The following GRM5 variants were observed in gnomAD, a reference collection of about 807,000 sequenced individuals.
The protein encoded by GRM5 is glutamate metabotropic receptor 5.
In GRM5, 19 loss-of-function variants were observed where a neutral mutation model predicts 83.1. That is an observed-to-expected ratio of 0.23 (90% confidence interval 0.16 to 0.34). GRM5 has a LOEUF of 0.34. Among genes scored for constraint, GRM5 ranks in the 10% least tolerant of loss-of-function variants. The pLI is 1.00. For missense variants in GRM5, 1,160 were observed against 1,588.3 expected (o/e 0.73, Z 4.58); for synonymous variants, 675 against 633.6 (o/e 1.07, Z -0.98).
At chr11:88,751,832 C>T (rs961821393) in intron 3 of GRM5, among the ~76,000 whole-genome samples, 1 of 152,104 alleles carries the variant, frequency 6.6e-6, no homozygotes, top group African/African-American at 2.4e-5. Context: ...ATCACATAAA[C>T]AGAACTAAAG....
At chr11:88,871,909 G>T (rs72643340) in intron 2 of GRM5, among the ~76,000 whole-genome samples, 18,155 of 149,022 alleles carry the variant, frequency 0.12, 1,823 homozygotes, top group East Asian at 0.27. Flanking sequence ...ATAAACAGAT[G>T]AAAAAAAAAG....
At chr11:88,980,952 A>G (rs529500884) in intron 2 of GRM5, among the ~76,000 whole-genome samples, 11 of 152,198 alleles carry the variant, frequency 7.2e-5, no homozygotes, top group Admixed American at 4.6e-4. Flanking sequence ...GTAAGGATAT[A>G]TAGAAATTAT....
At chr11:88,569,065 C>T (rs779069036) in intron 7 of GRM5, among the ~76,000 whole-genome samples, 2 of 152,174 alleles carry the variant, frequency 1.3e-5, no homozygotes, top group Non-Finnish European at 2.9e-5. Flanking sequence ...GTTGGCTACA[C>T]ACTAGAATCA....
At chr11:88,707,228 C>A (rs1218359749) in intron 3 of GRM5, among the ~76,000 whole-genome samples, 1 of 152,060 alleles carries the variant, frequency 6.6e-6, no homozygotes, top group Non-Finnish European at 1.5e-5. Flanking sequence ...TAAAATATTA[C>A]AGTAGCTATC....
At chr11:88,585,943 C>G (rs991024121) in intron 7 of GRM5, among the ~76,000 whole-genome samples, 1 of 152,010 alleles carries the variant, frequency 6.6e-6, no homozygotes, top group Non-Finnish European at 1.5e-5. Flanking sequence ...TCTTTCATGT[C>G]TTCTTGGTTT....
At chr11:88,761,882 C>G (rs932508094) in intron 3 of GRM5, among the ~76,000 whole-genome samples, 1 of 151,756 alleles carries the variant, frequency 6.6e-6, no homozygotes, top group African/African-American at 2.4e-5. Flanking sequence ...ATAGAGGACC[C>G]AGAAATAATG....
intron 2 of GRM5, among the ~76,000 whole-genome samples, chr11:88,954,796 T>C (rs1369587466): frequency 6.6e-6 from 1 of 152,194 alleles, no homozygotes; most frequent in Non-Finnish European, 1.5e-5. Flanking sequence ...CATGATAAAG[T>C]AGGCTGCTTG....
intron 2 of GRM5, among the ~76,000 whole-genome samples, chr11:88,994,445 T>TTATATATATA (rs58154444): frequency 9.2e-5 from 8 of 86,890 alleles, no homozygotes; most frequent in African/African-American, 1.6e-4. Context: ...CTTTAACTGA[T>TTATATATATA]TATATATATA....
intron 2 of GRM5, among the ~76,000 whole-genome samples, chr11:89,015,457 G>T (rs1206837015): frequency 2.0e-5 from 3 of 152,154 alleles, no homozygotes; most frequent in Admixed American, 1.3e-4. Flanking sequence ...ATGGGTGTCT[G>T]TTGGCAGTGT....
At chr11:88,683,876 T>C (rs1940555981) in intron 3 of GRM5, among the ~76,000 whole-genome samples, 1 of 152,174 alleles carries the variant, frequency 6.6e-6, no homozygotes, top group Non-Finnish European at 1.5e-5. Context: ...CACATACTCA[T>C]AGATAGATAA....
At chr11:88,602,930 G>A (rs958449172) in intron 5 of GRM5, among the ~76,000 whole-genome samples, 8 of 152,248 alleles carry the variant, frequency 5.3e-5, no homozygotes, top group Middle Eastern at 3.4e-3. Context: ...AGAAACAAAA[G>A]GTGGTAAATC....
At chr11:88,778,816 G>A (rs1274298439) in intron 3 of GRM5, among the ~76,000 whole-genome samples, 1 of 152,062 alleles carries the variant, frequency 6.6e-6, no homozygotes, top group Non-Finnish European at 1.5e-5. Context: ...ATTTAACTGG[G>A]GAGAAGAGTT....
intron 3 of GRM5, among the ~76,000 whole-genome samples, chr11:88,826,574 T>C (rs1015194153): frequency 6.6e-6 from 1 of 152,152 alleles, no homozygotes. Context: ...AGGTAACTGA[T>C]GTCCGTTTTC....
At chr11:88,985,068 G>C (rs997522139) in intron 2 of GRM5, among the ~76,000 whole-genome samples, 8 of 151,718 alleles carry the variant, frequency 5.3e-5, no homozygotes, top group Non-Finnish European at 1.2e-4. Flanking sequence ...AAATACACAA[G>C]AGCCATAAAT....
chr11:88,649,806 T>A (rs566227441), intron 4 of GRM5, among the ~76,000 whole-genome samples: 1 of 151,698 alleles, frequency 6.6e-6, no homozygotes, highest in African/African-American at 2.4e-5. Context: ...ATACAAGAAA[T>A]ACTAAAGAAA....
At chr11:88,823,886 A>G (rs777335316) in intron 3 of GRM5, among the ~76,000 whole-genome samples, 11 of 152,102 alleles carry the variant, frequency 7.2e-5, no homozygotes, top group Non-Finnish European at 1.2e-4. Context: ...TTGGCTAACT[A>G]GATAGGATTC....
intron 2 of GRM5, among the ~76,000 whole-genome samples, chr11:88,892,409 G>A (rs1235184407): frequency 2.6e-5 from 4 of 151,930 alleles, no homozygotes; most frequent in Admixed American, 2.6e-4. Context: ...GACCTTAAGT[G>A]TAAAGTATTT....
intron 2 of GRM5, among the ~76,000 whole-genome samples, chr11:88,850,767 A>T (rs1157655821): frequency 1.3e-5 from 2 of 152,048 alleles, no homozygotes; most frequent in East Asian, 3.8e-4. Context: ...AAAAACATTT[A>T]CAGTTTTATC....
At chr11:88,961,901 A>T (rs1938796100) in intron 2 of GRM5, among the ~76,000 whole-genome samples, 1 of 152,210 alleles carries the variant, frequency 6.6e-6, no homozygotes, top group Non-Finnish European at 1.5e-5. Flanking sequence ...ACTGGCTGAG[A>T]ATTCGATGAT....
Sources: allele counts gnomAD v4.1 joint callset (sites outside exome capture counted in the v4.1 genomes callset), GRCh38; gene constraint gnomAD v4.1.1; transcripts MANE v1.5; gene names NCBI Gene and HGNC (gene_info 2026-07-23, HGNC 2026-07-21).